Variants in RYR2 observed in about 807,000 individuals in gnomAD.
RYR2 encodes the protein ryanodine receptor 2, also known as cardiac muscle ryanodine receptor-calcium release channel.
A neutral mutation model predicts 601.1 loss-of-function variants in RYR2; 227 were observed. The observed-to-expected ratio is 0.38, with a 90% confidence interval of 0.34 to 0.42. RYR2 has a LOEUF of 0.42. Ranked by LOEUF, RYR2 falls within the 10% of genes least tolerant of loss-of-function variation. RYR2 has a pLI of 1.00. For synonymous variants in RYR2, 2,223 were observed against 2,175.1 expected, an observed-to-expected ratio of 1.02 and a Z score of -0.61; for missense variants, 4,646 against 6,156.5, an observed-to-expected ratio of 0.75 and a Z score of 8.21.
intron 1 of RYR2, among the ~76,000 whole-genome samples, chr1:237,166,292 A>G (rs1676706061): frequency 6.6e-6 from 1 of 152,056 alleles, no homozygotes; most frequent in Non-Finnish European, 1.5e-5. Context: ...CAAAAATAAT[A>G]TTAGACAGCA....
At chr1:237,688,170 T>C (rs1282074987) in intron 63 of RYR2, among the ~76,000 whole-genome samples, 1 of 152,250 alleles carries the variant, frequency 6.6e-6, no homozygotes, top group Non-Finnish European at 1.5e-5. Context: ...GAATCTTTAG[T>C]GGCTGGTGGA....
intron 34 of RYR2, among the ~76,000 whole-genome samples, chr1:237,597,682 T>G (rs1676043562): frequency 6.6e-6 from 1 of 151,960 alleles, no homozygotes; most frequent in Non-Finnish European, 1.5e-5. Flanking sequence ...AAGAAAAAAT[T>G]GCAGCAGTCA....
chr1:237,148,563 C>CATATATATATATATATATACACACAT (rs142304279), intron 1 of RYR2, among the ~76,000 whole-genome samples: 11 of 82,374 alleles, frequency 1.3e-4, no homozygotes, highest in African/African-American at 4.2e-4. Context: ...TACACACACA[C>CATATATATATATATATATACACACAT]ATATATATAT....
chr1:237,586,513 C>T (rs969476822), intron 29 of RYR2, among the ~76,000 whole-genome samples: 6 of 152,128 alleles, frequency 3.9e-5, no homozygotes, highest in African/African-American at 1.4e-4. Flanking sequence ...AAATAGCTAA[C>T]AAGTGGAGGG....
At chr1:237,652,193 T>C (rs1682827960) in intron 51 of RYR2, among the ~76,000 whole-genome samples, 1 of 152,164 alleles carries the variant, frequency 6.6e-6, no homozygotes, top group Non-Finnish European at 1.5e-5. Context: ...ACATGACAGG[T>C]TCCAATTGTC....
At chr1:237,074,957 C>T (rs865915311) in intron 1 of RYR2, among the ~76,000 whole-genome samples, 3 of 152,100 alleles carry the variant, frequency 2.0e-5, no homozygotes, top group Non-Finnish European at 2.9e-5. Context: ...AGCCAGGTCT[C>T]GGAGAGGGAT....
At chr1:237,781,758 A>G (rs1357705179) in intron 89 of RYR2, 112 bp downstream of exon 89, 2 of 480,644 alleles carry the variant, frequency 4.2e-6, no homozygotes, top group Non-Finnish European at 7.4e-6. Flanking sequence ...GATATGATAG[A>G]TGCCTTGGAT....
intron 82 of RYR2, 147 bp from the exon 83 acceptor site, chr1:237,759,629 T>G (rs1693247275): frequency 1.5e-6 from 1 of 648,028 alleles, no homozygotes; most frequent in African/African-American, 1.8e-5. Flanking sequence ...TGTTCCTACT[T>G]CATGATAAAG....
chr1:237,212,740 T>C (rs1682726726), intron 1 of RYR2, among the ~76,000 whole-genome samples: 1 of 152,148 alleles, frequency 6.6e-6, no homozygotes, highest in African/African-American at 2.4e-5. Flanking sequence ...TGGAAAATAA[T>C]GCTCATTTTC....
At chr1:237,158,678 A>G (rs1675663056) in intron 1 of RYR2, among the ~76,000 whole-genome samples, 2 of 152,152 alleles carry the variant, frequency 1.3e-5, no homozygotes, top group South Asian at 4.1e-4. Flanking sequence ...CGGTTAAACT[A>G]ATAGTCTGTG....
At chr1:237,260,711 T>C (rs926338255) in intron 1 of RYR2, among the ~76,000 whole-genome samples, 1 of 152,222 alleles carries the variant, frequency 6.6e-6, no homozygotes, top group Admixed American at 6.5e-5. Flanking sequence ...ATTCTCAATG[T>C]TTCCAGTCTT....
At position 237,808,654 on chromosome 1, in the gene RYR2, CAA is replaced by C. The variant is rs35162950; in HGVS notation, c.14299-234_14299-233del. On this transcript the variant is annotated intron_variant, in intron 99 of 104. Transcript: ENST00000366574. ...CAGCCTGGTGACAGAAACTCTGTCT[CAA>C]AAAAAAAAAAAACAAAATAAAATAA... is the stretch of plus-strand genomic sequence containing the variant. Among the ~76,000 whole-genome samples the C allele has an allele frequency of 0.12, 14,404 of 116,052 alleles. 1,815 individuals carry two copies. The highest frequency in any genetic ancestry group is 0.36 in the African/African-American group (12,040 of 33,684). 76.1% of individuals were successfully genotyped at this position (116,052 alleles called of 152,430 possible).
In RYR2 at chr1:237,145,545, A is replaced by G. The variant is rs369142057; in HGVS notation, c.48+102976A>G. 8.0e-4 allele frequency among the ~76,000 whole-genome samples: 122 copies of G among 152,192 alleles called. 2 individuals carry two copies. The highest frequency in any genetic ancestry group is 2.8e-3 in the African/African-American group (117 of 41,510). On this transcript the variant is annotated intron_variant, in intron 1 of 104. Transcript: ENST00000366574. ...AATTACTGGGCTGTTTTGTTTTCCT[A>G]TGTATGCCTCTGAAAACATCTTGTT...
intron 2 of RYR2, among the ~76,000 whole-genome samples, chr1:237,297,439 C>A (rs1692901180): frequency 6.6e-6 from 1 of 152,044 alleles, no homozygotes; most frequent in African/African-American, 2.4e-5. Flanking sequence ...AATACCCTAC[C>A]CACAGGAAAG....
intron 1 of RYR2, among the ~76,000 whole-genome samples, chr1:237,233,349 C>A (rs943302071): frequency 1.3e-5 from 2 of 152,128 alleles, no homozygotes; most frequent in African/African-American, 4.8e-5. Flanking sequence ...TTCCTTCTTG[C>A]AGTTTCTCCT....
At position 237,118,549 on chromosome 1, in the gene RYR2, C is replaced by T. The variant is rs78757222; in HGVS notation, c.48+75980C>T. ...ACAGAGACAACGGTAGAATGGTGGTCACCAGGAGCTGCTGGGAGGGAAAAT... is the reference window on the plus strand; with the variant it reads ...ACAGAGACAACGGTAGAATGGTGGTTACCAGGAGCTGCTGGGAGGGAAAAT... On this transcript the variant is annotated intron_variant, in intron 1 of 104. Coordinates refer to ENST00000366574, the MANE Select transcript of RYR2 (RefSeq NM_001035.3). Among the ~76,000 whole-genome samples the T allele has an allele frequency of 9.4e-3, 1,427 of 152,066 alleles. 19 individuals carry two copies. Among genetic ancestry groups the T allele is most frequent in the Non-Finnish European group, 0.011 (762 of 67,980 alleles).
chr1:237,503,766 G>A (rs566720243), intron 22 of RYR2, among the ~76,000 whole-genome samples: 1 of 152,254 alleles, frequency 6.6e-6, no homozygotes, highest in African/African-American at 2.4e-5. Context: ...GGAGTGCAGT[G>A]GTGCAATCTC....
At chr1:237,280,845 T>A (rs1194347260) in intron 2 of RYR2, among the ~76,000 whole-genome samples, 1 of 151,032 alleles carries the variant, frequency 6.6e-6, no homozygotes, top group Non-Finnish European at 1.5e-5. Flanking sequence ...AGTGCAGTGG[T>A]GCAATCTCGG....
In RYR2 at chr1:237,417,059, T is replaced by C. The variant is rs1179369209; in HGVS notation, c.784T>C (p.Tyr262His). The C allele has an allele frequency of 6.2e-7, 1 of 1,613,764 alleles. No homozygotes were observed. The highest frequency in any genetic ancestry group is 8.5e-7 in the Non-Finnish European group (1 of 1,179,812). The part of the protein sequence containing the change: ...HGEEQRRTVH[Y>H]EGGAVSVHAR... The stretch of plus-strand genomic sequence containing the variant: ...TGTTTGTTGAAACAGAACTGTTCAT[T>C]ATGAAGGTGGCGCTGTGTCTGTTCA... Residue 262 changes from tyrosine (Y) to histidine (H), a missense_variant, in exon 11 of 105, where the codon TAT becomes CAT. Transcript: ENST00000366574.
Sources: gnomAD v4.1 joint callset for allele counts (sites outside exome capture counted in the v4.1 genomes callset) on GRCh38, gnomAD v4.1.1 for gene constraint, MANE v1.5 for transcripts, NCBI Gene and HGNC (gene_info 2026-07-23, HGNC 2026-07-21) for gene names.